The following CLEC9A variants were observed in gnomAD, a reference collection of about 807,000 sequenced individuals.
CLEC9A encodes C-type lectin domain family 9 member A.
Under a neutral mutation model 30.0 loss-of-function variants are expected in CLEC9A, and 24 were observed. The ratio of observed to expected loss-of-function variants is 0.80; its 90% CI spans 0.58 to 1.13. CLEC9A has a LOEUF of 1.13. CLEC9A is among the 50% of genes most tolerant of loss of function. CLEC9A has a pLI of 0.00. For synonymous variants in CLEC9A, 111 were observed against 96.8 expected, an observed-to-expected ratio of 1.15 and a Z score of -0.86; for missense variants, 251 against 280.9, an observed-to-expected ratio of 0.89 and a Z score of 0.76.
chr12:10,055,739 A>G (rs1424911192), intron 5 of CLEC9A, among the ~76,000 whole-genome samples: 1 of 152,102 alleles, frequency 6.6e-6, no homozygotes, highest in Admixed American at 6.6e-5. Flanking sequence ...AAAATCATAT[A>G]CTACATAATA....
intron 1 of CLEC9A, among the ~76,000 whole-genome samples, chr12:10,040,350 G>T (rs1865781352): frequency 6.6e-6 from 1 of 151,556 alleles, no homozygotes; most frequent in African/African-American, 2.4e-5. Flanking sequence ...TAACCCTCAG[G>T]TGTCAGTTTT....
chr12:10,065,631 G>A lies in CLEC9A; in HGVS notation c.725G>A (p.Ter242=). 6.2e-7 allele frequency: 1 copy of A among 1,613,546 alleles called. No homozygotes were observed. The highest frequency in any genetic ancestry group is 2.2e-5 in the East Asian group (1 of 44,858). ...AAGTATGCGTTGAGATCCTCTGTCT[G>A]AAAGAAATTGTGTTCAAAGTGTTCT... The part of the protein sequence containing the change: ...CEKYALRSSV[*] Residue 242 remains the stop codon, a stop_retained_variant, in exon 9 of 9, where the codon TGA becomes TAA. Transcript: ENST00000355819.
At chr12:10,038,668 TC>T (rs1391651820) in intron 1 of CLEC9A, among the ~76,000 whole-genome samples, 1 of 152,200 alleles carries the variant, frequency 6.6e-6, no homozygotes, top group African/African-American at 2.4e-5. Context: ...ATAGACAGCA[TC>T]CTCCCCAATA....
intron 2 of CLEC9A, among the ~76,000 whole-genome samples, chr12:10,045,153 C>A (rs1435661541): frequency 5.3e-5 from 8 of 152,178 alleles, no homozygotes; most frequent in Non-Finnish European, 1.2e-4. Flanking sequence ...CTAAATCCTG[C>A]CCTTCCATCA....
chr12:10,050,038 C>A (rs1321941291), intron 2 of CLEC9A, among the ~76,000 whole-genome samples: 1 of 152,104 alleles, frequency 6.6e-6, no homozygotes, highest in African/African-American at 2.4e-5. Context: ...ATTAATTGAC[C>A]TATTTTTAAT....
At chr12:10,042,678 GAA>G (rs1184195717) in intron 2 of CLEC9A, among the ~76,000 whole-genome samples, 2 of 152,154 alleles carry the variant, frequency 1.3e-5, no homozygotes, top group Admixed American at 1.3e-4. Flanking sequence ...GCTAACTAGA[GAA>G]AAGTAAACCA....
intron 6 of CLEC9A, 138 bp from the exon 7 acceptor site, chr12:10,062,917 T>C (rs1414943066): frequency 3.8e-6 from 2 of 522,862 alleles, no homozygotes; most frequent in African/African-American, 4.0e-5. Flanking sequence ...GAAGCTGAAA[T>C]TGGTAAGTGC....
At chr12:10,059,205 C>T (rs912368996) in intron 5 of CLEC9A, among the ~76,000 whole-genome samples, 4 of 151,860 alleles carry the variant, frequency 2.6e-5, no homozygotes, top group Admixed American at 6.6e-5. Flanking sequence ...GTGTATTAGT[C>T]GACAAAAAGA....
Position 10,065,724 on chromosome 12 carries a change from G to C in CLEC9A, c.*92G>C, listed in dbSNP as rs1866040337. The C allele has an allele frequency of 7.3e-7, 1 of 1,370,462 alleles. No homozygotes were observed. Among genetic ancestry groups the C allele is most frequent in the Admixed American group, 2.6e-5 (1 of 38,924 alleles). The allele number at this position is 1,370,462 out of a possible 1,614,324, so 84.9% of individuals were successfully genotyped here. A position where few individuals can be genotyped will look rare whatever the true frequency, so the allele number is the denominator to read the frequency against. Reference sequence around the variant, plus strand: ...CACCCCCCCTCAAAAAAACAGAACAGTAAACCAAAATGTGGGCCATGAAAT... The same window carrying C: ...CACCCCCCCTCAAAAAAACAGAACACTAAACCAAAATGTGGGCCATGAAAT... On this transcript the variant is annotated 3_prime_UTR_variant, in exon 9 of 9. Transcript: ENST00000355819.
chr12:10,054,027 T>G (rs546600336), intron 4 of CLEC9A, among the ~76,000 whole-genome samples: 1 of 152,320 alleles, frequency 6.6e-6, no homozygotes, highest in Admixed American at 6.5e-5. Context: ...AACAGAAGTA[T>G]ACTATTAAAT....
At chr12:10,043,187 C>A in intron 2 of CLEC9A, 1 of 405,484 alleles carries the variant, frequency 2.5e-6, no homozygotes, top group Non-Finnish European at 4.9e-6. Context: ...GGGATTCTGA[C>A]CATTGTGTTT....
chr12:10,048,764 G>T (rs374445127), intron 2 of CLEC9A, among the ~76,000 whole-genome samples: 2 of 152,064 alleles, frequency 1.3e-5, no homozygotes, highest in Non-Finnish European at 2.9e-5. Flanking sequence ...AGTTACTTCC[G>T]CCACTGAGGT....
chr12:10,054,448 C>T, intron 5 of CLEC9A, 97 bp downstream of exon 5: 2 of 770,014 alleles, frequency 2.6e-6, no homozygotes, highest in South Asian at 1.9e-5. Context: ...TGTGAATGCA[C>T]ATAAATGATA....
chr12:10,049,436 C>T (rs1480232797), intron 2 of CLEC9A, among the ~76,000 whole-genome samples: 1 of 152,182 alleles, frequency 6.6e-6, no homozygotes, highest in Non-Finnish European at 1.5e-5. Flanking sequence ...TATAAAAGTC[C>T]TAGATGTCAT....
At position 10,058,280 on chromosome 12, in the gene CLEC9A, C is replaced by T. The variant is rs1865960797; in HGVS notation, c.173-2847C>T. ...ATCTAAGAAGAAAATTATTATTTTT[C>T]AAAGTCTAAACATGCCAGATTATTA... On this transcript the variant is annotated intron_variant, in intron 5 of 8. Coordinates refer to ENST00000355819, the MANE Select transcript of CLEC9A (RefSeq NM_207345.4). 2.6e-5 allele frequency among the ~76,000 whole-genome samples: 4 copies of T among 152,208 alleles called. No individual in the cohort carries two copies. In the South Asian group the frequency reaches 8.3e-4, roughly 32 times the overall value.
chr12:10,051,677 C>T (rs577406982), intron 2 of CLEC9A, among the ~76,000 whole-genome samples: 1 of 152,126 alleles, frequency 6.6e-6, no homozygotes, highest in South Asian at 2.1e-4. Flanking sequence ...TATTGGGACT[C>T]ATAGACTATA....
Position 10,065,486 on chromosome 12 carries a change from A to T in CLEC9A, c.594-14A>T, listed in dbSNP as rs777385039. ...CCCAAGTCTAACCTCAGAAATGTTG[A>T]CTTGCTTTTCCAGGTTGCCAGCAGA... On this transcript the variant is annotated splice_polypyrimidine_tract_variant and intron_variant, in intron 8 of 8. Coordinates refer to ENST00000355819, the MANE Select transcript of CLEC9A (RefSeq NM_207345.4). 1 of 1,613,522 alleles carries T rather than the reference A, an allele frequency of 6.2e-7. No individual in the cohort carries two copies. Among genetic ancestry groups the T allele is most frequent in the South Asian group, 1.1e-5 (1 of 91,058 alleles).
At chr12:10,051,748 G>C (rs906529011) in intron 2 of CLEC9A, among the ~76,000 whole-genome samples, 1 of 152,200 alleles carries the variant, frequency 6.6e-6, no homozygotes, top group African/African-American at 2.4e-5. Context: ...GATGATTAAA[G>C]TCTCAAATTT....
In CLEC9A at chr12:10,054,359, C is replaced by T; in HGVS notation, c.172+8C>T. On this transcript the variant is annotated splice_region_variant and intron_variant, in intron 5 of 8. Coordinates refer to ENST00000355819, the MANE Select transcript of CLEC9A (RefSeq NM_207345.4). ...TTTTCTTGGGCGTCAAGTGTAAGTA[C>T]TAAAAGATATTTTCAAAATATGTAT... 1 of 1,571,796 alleles carries T rather than the reference C, an allele frequency of 6.4e-7. No homozygotes were observed.
Sources: allele counts gnomAD v4.1 joint callset (sites outside exome capture counted in the v4.1 genomes callset), GRCh38; gene constraint gnomAD v4.1.1; transcripts MANE v1.5; gene names NCBI Gene and HGNC (gene_info 2026-07-23, HGNC 2026-07-21).